The following KCNH8 variants were observed in gnomAD, a reference collection of about 807,000 sequenced individuals.
KCNH8 encodes the protein potassium voltage-gated channel subfamily H member 8.
KCNH8 carries 70 observed loss-of-function variants against 103.6 expected under a neutral mutation model. The ratio of observed to expected loss-of-function variants is 0.68; its 90% CI spans 0.56 to 0.82. The LOEUF (loss-of-function observed/expected upper bound fraction) is 0.82. Ranked by LOEUF, KCNH8 falls within the 40% of genes least tolerant of loss-of-function variation. The pLI, the probability that KCNH8 is intolerant of heterozygous loss-of-function variation, is 0.00. For synonymous variants in KCNH8, 498 were observed against 489.4 expected (o/e 1.02, Z -0.23); for missense variants, 1,217 against 1,329.9 (o/e 0.92, Z 1.32).
At chr3:19,331,821 C>A (rs939405236) in intron 3 of KCNH8, among the ~76,000 whole-genome samples, 1 of 152,102 alleles carries the variant, frequency 6.6e-6, no homozygotes, top group Non-Finnish European at 1.5e-5. Flanking sequence ...GTTGTGCTAT[C>A]AAATACTGGC....
chr3:19,224,877 T>C (rs530024728), intron 1 of KCNH8, among the ~76,000 whole-genome samples: 6 of 152,262 alleles, frequency 3.9e-5, no homozygotes, highest in African/African-American at 7.2e-5. Context: ...GCCTCCAGCA[T>C]GTAGGGGCTT....
intron 1 of KCNH8, among the ~76,000 whole-genome samples, chr3:19,171,397 C>T (rs1182675928): frequency 6.6e-6 from 1 of 152,106 alleles, no homozygotes; most frequent in Non-Finnish European, 1.5e-5. Flanking sequence ...CTCTCTATAT[C>T]TATTTATTTC....
At chr3:19,269,487 C>T (rs1181413569) in intron 2 of KCNH8, among the ~76,000 whole-genome samples, 10 of 151,980 alleles carry the variant, frequency 6.6e-5, no homozygotes, top group Admixed American at 3.3e-4. Flanking sequence ...TTAAAAAAGT[C>T]GCTGACCACC....
chr3:19,255,066 C>T (rs1337580925), intron 2 of KCNH8, among the ~76,000 whole-genome samples: 3 of 151,996 alleles, frequency 2.0e-5, no homozygotes, highest in Non-Finnish European at 4.4e-5. Context: ...AGGGTGGGGA[C>T]CTAATCCAAT....
intron 1 of KCNH8, among the ~76,000 whole-genome samples, chr3:19,182,019 G>T (rs986274648): frequency 1.3e-5 from 2 of 152,104 alleles, no homozygotes; most frequent in African/African-American, 4.8e-5. Context: ...CACAGGAAAA[G>T]TATGGTTCCT....
intron 11 of KCNH8, among the ~76,000 whole-genome samples, chr3:19,500,312 C>T (rs1264065383): frequency 1.3e-5 from 2 of 152,150 alleles, no homozygotes; most frequent in Non-Finnish European, 1.5e-5. Flanking sequence ...TACAAAGAGA[C>T]TTAGACTCCC....
At chr3:19,330,178 G>T (rs560388819) in intron 3 of KCNH8, among the ~76,000 whole-genome samples, 1 of 152,038 alleles carries the variant, frequency 6.6e-6, no homozygotes, top group African/African-American at 2.4e-5. Context: ...TTGTTCAAGC[G>T]TTCTCAGTCT....
chr3:19,390,371 G>C, intron 5 of KCNH8, 110 bp from the exon 6 acceptor site: 1 of 790,316 alleles, frequency 1.3e-6, no homozygotes, highest in Non-Finnish European at 2.0e-6. Context: ...CTTCCTGCTT[G>C]TTTGCCTGCC....
chr3:19,360,038 C>T (rs2065928378), intron 5 of KCNH8, among the ~76,000 whole-genome samples: 1 of 151,862 alleles, frequency 6.6e-6, no homozygotes, highest in Admixed American at 6.6e-5. Flanking sequence ...TAAGTGATTA[C>T]TCCAGAATTT....
At chr3:19,366,088 A>G (rs2125112505) in intron 5 of KCNH8, among the ~76,000 whole-genome samples, 1 of 152,198 alleles carries the variant, frequency 6.6e-6, no homozygotes, top group East Asian at 1.9e-4. Context: ...GTGAAGCTCT[A>G]GTTGAAATGC....
chr3:19,193,956 G>A lies in KCNH8; in HGVS notation c.76+45161G>A, dbSNP rs185824962. Among the ~76,000 whole-genome samples the A allele has an allele frequency of 5.0e-3, 754 of 151,790 alleles. 5 individuals are homozygous for A. The highest frequency in any genetic ancestry group is 0.016 in the African/African-American group (668 of 41,488). On this transcript the variant is annotated intron_variant, in intron 1 of 15. Transcript: ENST00000328405. ...TAAGTTGCTATTATTGTGAAGGGAG[G>A]TGATATTGAGAGACTATGGAACAAT...
intron 11 of KCNH8, among the ~76,000 whole-genome samples, chr3:19,502,593 A>G (rs1329212675): frequency 6.6e-6 from 1 of 152,208 alleles, no homozygotes; most frequent in African/African-American, 2.4e-5. Flanking sequence ...AGATCAATGG[A>G]ACAGAACAGA....
intron 2 of KCNH8, among the ~76,000 whole-genome samples, chr3:19,268,601 A>G (rs1691047069): frequency 6.6e-6 from 1 of 152,150 alleles, no homozygotes; most frequent in South Asian, 2.1e-4. Flanking sequence ...ATTTCATTTA[A>G]CAAAGAACAT....
At chr3:19,170,802 A>AT (rs1559407135) in intron 1 of KCNH8, among the ~76,000 whole-genome samples, 3 of 100,614 alleles carry the variant, frequency 3.0e-5, no homozygotes, top group African/African-American at 1.5e-4. Flanking sequence ...ATATATATAT[A>AT]TATATATATT....
At chr3:19,390,716 C>T (rs897322316) in intron 6 of KCNH8, 78 bp downstream of exon 6, 66 of 1,377,598 alleles carry the variant, frequency 4.8e-5, no homozygotes, top group Non-Finnish European at 5.9e-5. Context: ...ATGCTTGTGG[C>T]GATTTATGCT....
chr3:19,493,880 T>C (rs1162817779), intron 11 of KCNH8, among the ~76,000 whole-genome samples: 4 of 152,170 alleles, frequency 2.6e-5, no homozygotes, highest in Non-Finnish European at 2.9e-5. Flanking sequence ...GGTTCAGGGG[T>C]ACATGTGCAG....
intron 5 of KCNH8, among the ~76,000 whole-genome samples, chr3:19,381,501 A>T (rs2066287580): frequency 6.6e-6 from 1 of 152,160 alleles, no homozygotes; most frequent in South Asian, 2.1e-4. Flanking sequence ...AACATGACAC[A>T]ATTTATGTGA....
rs1455816355 is a variant in KCNH8, at chr3:19,434,679, G to T, written c.1178-3485G>T. On this transcript the variant is annotated intron_variant, in intron 7 of 15. Transcript: ENST00000328405. ...TGGACCTTCAGAATTGTGGAGAGGG[G>T]GGAAACAAATGTTAGTAAGAGTATT... Among the ~76,000 whole-genome samples, 5 of 152,106 alleles carry T rather than the reference G, an allele frequency of 3.3e-5. No individual in the cohort carries two copies. In the South Asian group the frequency reaches 8.3e-4, roughly 25 times the overall value.
chr3:19,215,428 T>C (rs774916436), intron 1 of KCNH8, among the ~76,000 whole-genome samples: 7 of 152,158 alleles, frequency 4.6e-5, no homozygotes, highest in Non-Finnish European at 8.8e-5. Context: ...GATTGAAAGA[T>C]TGAAAGATAA....
Sources: gnomAD v4.1 joint callset for allele counts (sites outside exome capture counted in the v4.1 genomes callset) on GRCh38, gnomAD v4.1.1 for gene constraint, MANE v1.5 for transcripts, NCBI Gene and HGNC (gene_info 2026-07-23, HGNC 2026-07-21) for gene names.